MAP4: variants seen among roughly 807,000 people sequenced by gnomAD.
MAP4 encodes the protein microtubule associated protein 4.
A neutral mutation model predicts 170.2 loss-of-function variants in MAP4; 76 were observed. The observed-to-expected ratio is 0.45, with a 90% CI of 0.37 to 0.54. The LOEUF (loss-of-function observed/expected upper bound fraction) is 0.54, where lower values mean the gene tolerates loss of function less well. MAP4 is among the 20% of genes least tolerant of loss of function. The pLI is 0.00. For synonymous variants in MAP4, 909 were observed against 994.5 expected (o/e 0.91, Z 1.62); for missense variants, 2,506 against 2,748.0 (o/e 0.91, Z 1.97).
At chr3:47,935,470 C>T (rs548568552) in intron 3 of MAP4, among the ~76,000 whole-genome samples, 80 of 152,286 alleles carry the variant, frequency 5.3e-4, no homozygotes, top group African/African-American at 1.8e-3. Flanking sequence ...TAAGATTTGT[C>T]TGCCTGAATG....
chr3:48,029,656 G>T (rs1470765410), intron 1 of MAP4, among the ~76,000 whole-genome samples: 1 of 152,228 alleles, frequency 6.6e-6, no homozygotes, highest in African/African-American at 2.4e-5. Context: ...TAATGGCAGA[G>T]ATCTTACATG....
At chr3:47,891,339 A>G (rs1255503559) in intron 10 of MAP4, 5 of 1,535,990 alleles carry the variant, frequency 3.3e-6, no homozygotes, top group Non-Finnish European at 4.4e-6. Flanking sequence ...TCACAGATGA[A>G]AGGAGGTATC....
At chr3:47,877,651 G>A (rs2095787071) in intron 10 of MAP4, 128 bp from the exon 11 acceptor site, 1 of 603,138 alleles carries the variant, frequency 1.7e-6, no homozygotes, top group Non-Finnish European at 2.9e-6. Flanking sequence ...ACAGGGTTGT[G>A]CTGCTGAAAT....
intron 1 of MAP4, among the ~76,000 whole-genome samples, chr3:48,056,943 C>T (rs1189412395): frequency 1.6e-5 from 2 of 128,844 alleles, no homozygotes; most frequent in African/African-American, 6.0e-5. Context: ...GTGGGGGGTT[C>T]AGCCCCCCGC....
At chr3:47,864,012 C>T (rs951306708) in intron 17 of MAP4, among the ~76,000 whole-genome samples, 2 of 150,902 alleles carry the variant, frequency 1.3e-5, no homozygotes, top group Admixed American at 1.3e-4. Flanking sequence ...GTGTCTCTCT[C>T]TGTCACCCAG....
chr3:48,062,071 G>A (rs2100135886), intron 1 of MAP4, among the ~76,000 whole-genome samples: 1 of 152,196 alleles, frequency 6.6e-6, no homozygotes, highest in Non-Finnish European at 1.5e-5. Context: ...GGGAAATGTG[G>A]GGAGAAGATG....
At chr3:47,975,410 A>C in intron 3 of MAP4, 1 of 1,560,664 alleles carries the variant, frequency 6.4e-7, no homozygotes. Flanking sequence ...GATGCTTAGG[A>C]AAGATCACTG....
intron 3 of MAP4, among the ~76,000 whole-genome samples, chr3:47,950,052 C>A (rs1206486564): frequency 6.6e-6 from 1 of 152,180 alleles, no homozygotes; most frequent in Non-Finnish European, 1.5e-5. Flanking sequence ...CTTAAAACTG[C>A]AACAGACTAC....
chr3:47,980,874 AT>A (rs2154289988), intron 2 of MAP4, among the ~76,000 whole-genome samples: 1 of 152,380 alleles, frequency 6.6e-6, no homozygotes, highest in Non-Finnish European at 1.5e-5. Context: ...GAAAATGGAA[AT>A]TACAAAAACT....
intron 1 of MAP4, among the ~76,000 whole-genome samples, chr3:48,048,965 T>G (rs1401194899): frequency 6.6e-6 from 1 of 152,218 alleles, no homozygotes; most frequent in Non-Finnish European, 1.5e-5. Context: ...CACTAATCTA[T>G]TCTTCATCTT....
At chr3:47,961,936 T>A (rs1477898647) in intron 3 of MAP4, among the ~76,000 whole-genome samples, 2 of 152,184 alleles carry the variant, frequency 1.3e-5, no homozygotes, top group East Asian at 3.9e-4. Flanking sequence ...TGTCGCACCC[T>A]GCTGATTGGA....
chr3:47,958,828 C>T (rs1476591411), intron 3 of MAP4, among the ~76,000 whole-genome samples: 2 of 151,878 alleles, frequency 1.3e-5, no homozygotes, highest in South Asian at 2.1e-4. Flanking sequence ...GGTCTATAGG[C>T]GTGCACCACC....
intron 1 of MAP4, among the ~76,000 whole-genome samples, chr3:48,071,192 CTGTAACTTAG>C (rs1347629410): frequency 3.9e-5 from 6 of 152,024 alleles, no homozygotes. Flanking sequence ...CCCCATGTCT[CTGTAACTTAG>C]TGAATAAGAG....
At chr3:48,032,293 G>A (rs1339028224) in intron 1 of MAP4, among the ~76,000 whole-genome samples, 3 of 151,988 alleles carry the variant, frequency 2.0e-5, no homozygotes, top group East Asian at 1.9e-4. Flanking sequence ...TCAGGAGTTC[G>A]CGAGCGGCCT....
intron 1 of MAP4, among the ~76,000 whole-genome samples, chr3:48,043,847 C>A (rs1450320436): frequency 1.3e-5 from 2 of 150,244 alleles, no homozygotes; most frequent in Non-Finnish European, 3.0e-5. Context: ...GCTCTGTAAT[C>A]TTTTTTTTTT....
At chr3:48,087,879 G>C (rs368024457) in intron 1 of MAP4, among the ~76,000 whole-genome samples, 44 of 152,174 alleles carry the variant, frequency 2.9e-4, no homozygotes, top group Admixed American at 1.4e-3. Flanking sequence ...GAGAAAAGGG[G>C]GTTTCCAGTA....
intron 10 of MAP4, among the ~76,000 whole-genome samples, chr3:47,901,669 A>G (rs1470832615): frequency 1.3e-5 from 2 of 150,760 alleles, no homozygotes; most frequent in Non-Finnish European, 3.0e-5. Context: ...GCAAGACCCT[A>G]TTTAAAAAAA....
At chr3:48,054,324 A>G (rs911417357) in intron 1 of MAP4, among the ~76,000 whole-genome samples, 6 of 149,010 alleles carry the variant, frequency 4.0e-5, no homozygotes, top group African/African-American at 1.5e-4. Flanking sequence ...AAAAACAAAA[A>G]CAAAAAATCA....
chr3:48,074,509 CTTTT>C (rs1167906300), intron 1 of MAP4, among the ~76,000 whole-genome samples: 1 of 112,552 alleles, frequency 8.9e-6, no homozygotes. Flanking sequence ...TATACACACA[CTTTT>C]TTTTTTTTTT....
Sources: allele counts gnomAD v4.1 joint callset (sites outside exome capture counted in the v4.1 genomes callset), GRCh38; gene constraint gnomAD v4.1.1; transcripts MANE v1.5; gene names NCBI Gene and HGNC (gene_info 2026-07-23, HGNC 2026-07-21).